The following WWOX variants were observed in gnomAD, a reference collection of about 807,000 sequenced individuals.
WWOX encodes the protein WW domain containing oxidoreductase.
A neutral mutation model predicts 46.2 loss-of-function variants in WWOX; 69 were observed. The ratio of observed to expected loss-of-function variants is 1.49; its 90% CI spans 1.23 to 1.82. The LOEUF is 1.82. Among genes scored for constraint, WWOX ranks in the 40% most tolerant of loss-of-function variants. The pLI is 0.00. For synonymous variants in WWOX, 359 were observed against 202.6 expected, an observed-to-expected ratio of 1.77 and a Z score of -6.56; for missense variants, 919 against 542.6, an observed-to-expected ratio of 1.69 and a Z score of -6.89.
chr16:78,532,721 T>A (rs942220414), intron 8 of WWOX, among the ~76,000 whole-genome samples: 24 of 152,154 alleles, frequency 1.6e-4, no homozygotes, highest in Non-Finnish European at 2.1e-4. Context: ...AGAACTTGTG[T>A]AGGGAAACTC....
At chr16:78,455,366 T>C (rs11866184) in intron 8 of WWOX, among the ~76,000 whole-genome samples, 28,570 of 151,600 alleles carry the variant, frequency 0.19, 4,161 homozygotes, top group African/African-American at 0.39. Flanking sequence ...CGAGGCTAGG[T>C]GTGGTGGCTC....
intron 5 of WWOX, among the ~76,000 whole-genome samples, chr16:78,364,998 T>C (rs2081501652): frequency 6.6e-6 from 1 of 152,204 alleles, no homozygotes; most frequent in East Asian, 1.9e-4. Flanking sequence ...CATAGTATTT[T>C]CTGTGTACTA....
At chr16:79,140,193 C>A (rs568069229) in intron 8 of WWOX, among the ~76,000 whole-genome samples, 3 of 152,184 alleles carry the variant, frequency 2.0e-5, no homozygotes, top group Non-Finnish European at 4.4e-5. Flanking sequence ...AATTGACTTA[C>A]GTTAACATTC....
chr16:78,828,674 A>T (rs2051728811), intron 8 of WWOX, among the ~76,000 whole-genome samples: 1 of 152,122 alleles, frequency 6.6e-6, no homozygotes, highest in Non-Finnish European at 1.5e-5. Context: ...ACCTTTATTA[A>T]TTATGTGTGT....
intron 8 of WWOX, among the ~76,000 whole-genome samples, chr16:78,657,967 G>A (rs1023965147): frequency 1.3e-5 from 2 of 152,034 alleles, no homozygotes; most frequent in Non-Finnish European, 2.9e-5. Flanking sequence ...GGACTCAGAG[G>A]CCAAGTGACT....
chr16:78,731,366 T>C (rs569068182), intron 8 of WWOX, among the ~76,000 whole-genome samples: 4 of 152,136 alleles, frequency 2.6e-5, no homozygotes, highest in Non-Finnish European at 5.9e-5. Context: ...TTTTTATAGA[T>C]TGCATGACTT....
chr16:78,664,270 C>T (rs1004107304), intron 8 of WWOX, among the ~76,000 whole-genome samples: 1 of 152,126 alleles, frequency 6.6e-6, no homozygotes, highest in Non-Finnish European at 1.5e-5. Flanking sequence ...CCCACTGGAC[C>T]ACAAGCCCCT....
intron 4 of WWOX, among the ~76,000 whole-genome samples, chr16:78,148,633 C>T (rs1451117643): frequency 1.3e-5 from 2 of 151,756 alleles, no homozygotes; most frequent in African/African-American, 4.8e-5. Flanking sequence ...CAGAGTGGCT[C>T]ACGCCTGTAA....
At chr16:78,320,030 C>T (rs2080434078) in intron 5 of WWOX, among the ~76,000 whole-genome samples, 1 of 152,182 alleles carries the variant, frequency 6.6e-6, no homozygotes, top group Admixed American at 6.5e-5. Context: ...ACTTATCATG[C>T]TGTATGGATA....
At chr16:79,074,932 G>C (rs56122904) in intron 8 of WWOX, among the ~76,000 whole-genome samples, 49,332 of 151,836 alleles carry the variant, frequency 0.32, 9,320 homozygotes, top group East Asian at 0.52. Flanking sequence ...ATATACAACA[G>C]ATGTGAGGGA....
At chr16:78,208,668 T>C (rs2151784791) in intron 5 of WWOX, among the ~76,000 whole-genome samples, 1 of 152,360 alleles carries the variant, frequency 6.6e-6, no homozygotes, top group East Asian at 1.9e-4. Flanking sequence ...CTCCATTTAC[T>C]GTGTGCTGTA....
intron 8 of WWOX, among the ~76,000 whole-genome samples, chr16:78,853,890 A>T (rs1409550189): frequency 2.6e-5 from 4 of 152,204 alleles, no homozygotes; most frequent in African/African-American, 9.7e-5. Flanking sequence ...TCATATGAAG[A>T]TTCAGACATT....
At chr16:79,143,146 C>A (rs1395872444) in intron 8 of WWOX, among the ~76,000 whole-genome samples, 2 of 152,260 alleles carry the variant, frequency 1.3e-5, no homozygotes, top group East Asian at 3.9e-4. Context: ...GTCTGGTCTT[C>A]CAAATTTAAT....
chr16:79,114,836 A>G lies in WWOX; in HGVS notation c.1057-96772A>G, dbSNP rs116788746. ...CACTCATCAAGGGGCCGTGGGTGAC[A>G]GGGCTGGCCTGCTGCTGCCTTTAAT... is the stretch of plus-strand genomic sequence containing the variant. On this transcript the variant is annotated intron_variant, in intron 8 of 8. Transcript: ENST00000566780. Among the ~76,000 whole-genome samples the G allele has an allele frequency of 8.1e-3, 1,238 of 152,330 alleles. 14 individuals carry two copies. The highest frequency in any genetic ancestry group is 0.028 in the African/African-American group (1,156 of 41,580).
At chr16:78,926,578 T>C (rs73583232) in intron 8 of WWOX, among the ~76,000 whole-genome samples, 3,698 of 152,250 alleles carry the variant, frequency 0.024, 138 homozygotes, top group African/African-American at 0.078. Flanking sequence ...CGTACACTTC[T>C]TTGCTGTTGG....
At chr16:78,561,537 C>T (rs976976694) in intron 8 of WWOX, among the ~76,000 whole-genome samples, 7 of 151,650 alleles carry the variant, frequency 4.6e-5, no homozygotes, top group African/African-American at 7.3e-5. Context: ...CACCATGGAC[C>T]GGGAATCCGG....
At chr16:78,378,056 T>G (rs1480957136) in intron 5 of WWOX, among the ~76,000 whole-genome samples, 1 of 151,974 alleles carries the variant, frequency 6.6e-6, no homozygotes, top group East Asian at 1.9e-4. Context: ...GATGGTTGAT[T>G]TGAAGGTTAG....
intron 8 of WWOX, among the ~76,000 whole-genome samples, chr16:78,926,934 G>C (rs2045512183): frequency 6.6e-6 from 1 of 152,188 alleles, no homozygotes; most frequent in Admixed American, 6.5e-5. Flanking sequence ...GTAGCTGGGA[G>C]CACAGGCACC....
chr16:78,768,279 T>TAAAAAAAA (rs56280651), intron 8 of WWOX, among the ~76,000 whole-genome samples: 1,487 of 91,838 alleles, frequency 0.016, 64 homozygotes, highest in African/African-American at 0.033. Context: ...ATAGATGAGT[T>TAAAAAAAA]AAAAAAAAAA....
Sources: allele counts gnomAD v4.1 joint callset (sites outside exome capture counted in the v4.1 genomes callset), GRCh38; gene constraint gnomAD v4.1.1; transcripts MANE v1.5; gene names NCBI Gene and HGNC (gene_info 2026-07-23, HGNC 2026-07-21).